The following CUBN variants were observed in gnomAD, a reference collection of about 807,000 sequenced individuals.
CUBN encodes the protein 460 kDa receptor.
In CUBN, 282 loss-of-function variants were observed where a neutral mutation model predicts 405.3. That is an observed-to-expected ratio of 0.70 (90% confidence interval 0.63 to 0.77). The LOEUF (loss-of-function observed/expected upper bound fraction) is 0.77. Ranked by LOEUF, CUBN falls within the 30% of genes least tolerant of loss-of-function variation. The pLI is 0.00. For missense variants in CUBN, 4,514 were observed against 4,475.2 expected (o/e 1.01, Z -0.25); for synonymous variants, 1,684 against 1,617.0 (o/e 1.04, Z -0.99).
intron 62 of CUBN, among the ~76,000 whole-genome samples, chr10:16,838,299 A>G (rs1839235013): frequency 6.6e-6 from 1 of 152,082 alleles, no homozygotes; most frequent in African/African-American, 2.4e-5. Flanking sequence ...GACCCTGAAA[A>G]CTCAGAAGAC....
chr10:16,940,271 A>ACC, intron 36 of CUBN, 34 bp from the exon 37 acceptor site: 2 of 1,573,130 alleles, frequency 1.3e-6, no homozygotes, highest in Non-Finnish European at 1.7e-6. Flanking sequence ...AAAGGGATTA[A>ACC]ATTGAGAGAA....
At chr10:16,999,022 C>T (rs900152264) in intron 28 of CUBN, among the ~76,000 whole-genome samples, 14 of 152,250 alleles carry the variant, frequency 9.2e-5, no homozygotes, top group African/African-American at 3.1e-4. Flanking sequence ...AGTAGAGCAT[C>T]GGGTTTCAAT....
chr10:16,901,394 CAT>C lies in CUBN; in HGVS notation c.8126_8127del (p.Tyr2709Ter), dbSNP rs776124003. On this transcript the variant is annotated frameshift_variant, in exon 52 of 67. Transcript: ENST00000377833. LOFTEE classifies it high-confidence loss of function. The stretch of plus-strand genomic sequence containing the variant: ...AGCGAAGAGCAGTGGGTCAGGCTGT[CAT>C]AAGCATTTGGATAGTTGGGGCTTGT... Reference protein sequence around the residue: ...VITSPNYPNAYDSLTHCSSLL... With the variant: ...VITSPNYPNAXDSLTHCSSLL... The C allele has an allele frequency of 3.1e-6, 5 of 1,614,128 alleles. No homozygotes were observed. In the Admixed American group the frequency reaches 8.3e-5, roughly 27 times the overall value.
intron 43 of CUBN, among the ~76,000 whole-genome samples, chr10:16,922,338 G>GTTT: frequency 6.6e-6 from 1 of 152,180 alleles, no homozygotes; most frequent in Middle Eastern, 3.4e-3. Context: ...TAATATCTTT[G>GTTT]ATATGCCCTC....
At chr10:16,874,851 C>A (rs1284862781) in intron 57 of CUBN, among the ~76,000 whole-genome samples, 4 of 152,002 alleles carry the variant, frequency 2.6e-5, no homozygotes, top group Non-Finnish European at 2.9e-5. Context: ...AGAGGGATGA[C>A]AACAGTAACG....
intron 60 of CUBN, among the ~76,000 whole-genome samples, chr10:16,843,702 C>G (rs891490580): frequency 3.9e-5 from 6 of 151,966 alleles, no homozygotes; most frequent in Admixed American, 3.3e-4. Context: ...TGTGCTAGAT[C>G]CCAGGCATAC....
chr10:16,931,181 A>G (rs1273508882), intron 40 of CUBN, among the ~76,000 whole-genome samples: 3 of 151,690 alleles, frequency 2.0e-5, no homozygotes, highest in Admixed American at 1.3e-4. Flanking sequence ...GGAGAATGGC[A>G]TGAACCCGGG....
At chr10:16,932,121 A>G (rs894202953) in intron 40 of CUBN, among the ~76,000 whole-genome samples, 1 of 152,180 alleles carries the variant, frequency 6.6e-6, no homozygotes, top group African/African-American at 2.4e-5. Context: ...ACATCTCATC[A>G]TGTGTGTATG....
chr10:17,116,640 G>A (rs937927285), intron 6 of CUBN, among the ~76,000 whole-genome samples: 1 of 152,204 alleles, frequency 6.6e-6, no homozygotes, highest in Admixed American at 6.5e-5. Flanking sequence ...AAGGAGCTTA[G>A]TAATGTTCAT....
chr10:16,986,470 C>T (rs45548338), intron 29 of CUBN, among the ~76,000 whole-genome samples: 1,983 of 152,258 alleles, frequency 0.013, 17 homozygotes, highest in Non-Finnish European at 0.021. Flanking sequence ...GATTAATTCC[C>T]CCCAGCCATC....
In CUBN at chr10:16,860,868, T is replaced by G. The variant is rs919872384; in HGVS notation, c.9454+8768A>C. Among the ~76,000 whole-genome samples, 22 of 152,244 alleles carry G rather than the reference T, an allele frequency of 1.4e-4. No homozygotes were observed. The East Asian group carries it at 1.5e-3, about 11-fold the overall frequency. On this transcript the variant is annotated intron_variant, in intron 59 of 66. Coordinates refer to ENST00000377833, the MANE Select transcript of CUBN (RefSeq NM_001081.4). Reference sequence around the variant, plus strand: ...TACTTTTCTAACTTTTTCCCTGGAATGCTGCTTCAAAACATCATCCCCACA... The same window carrying G: ...TACTTTTCTAACTTTTTCCCTGGAAGGCTGCTTCAAAACATCATCCCCACA...
intron 19 of CUBN, 130 bp downstream of exon 19, chr10:17,071,296 T>C: frequency 2.2e-6 from 2 of 923,910 alleles, no homozygotes; most frequent in Non-Finnish European, 3.4e-6. Flanking sequence ...GATTTTTACA[T>C]ATGTATCCAT....
At position 17,030,959 on chromosome 10, in the gene CUBN, G is replaced by A. The variant is rs114386486; in HGVS notation, c.4017+10074C>T. 6.6e-3 allele frequency among the ~76,000 whole-genome samples: 1,002 copies of A among 152,128 alleles called. 11 individuals carry two copies. The highest frequency in any genetic ancestry group is 0.023 in the African/African-American group (963 of 41,484). The stretch of plus-strand genomic sequence containing the variant: ...TAAAATAAGAGTTGTTAAACTCCAG[G>A]ATACAGAAAGTCTTTATTCTCTGTA... On this transcript the variant is annotated intron_variant, in intron 27 of 66. Transcript: ENST00000377833.
intron 59 of CUBN, among the ~76,000 whole-genome samples, chr10:16,868,481 G>A (rs1840251846): frequency 6.6e-6 from 1 of 152,214 alleles, no homozygotes; most frequent in Non-Finnish European, 1.5e-5. Flanking sequence ...TGTTTGGAGA[G>A]TTGTGCATTT....
chr10:16,903,156 T>C (rs746764028), intron 51 of CUBN, among the ~76,000 whole-genome samples: 4 of 152,210 alleles, frequency 2.6e-5, no homozygotes, highest in African/African-American at 9.6e-5. Flanking sequence ...ATCTTTCATA[T>C]AATTCATCAC....
In CUBN at chr10:16,864,660, T is replaced by TC. The variant is rs1270638949; in HGVS notation, c.9454+4975_9454+4976insG. 2.6e-4 allele frequency among the ~76,000 whole-genome samples: 36 copies of TC among 140,596 alleles called. No individual in the cohort carries two copies. In the East Asian group the frequency reaches 5.1e-3, roughly 20 times the overall value. The allele number at this position is 140,596 out of a possible 152,430, so 92.2% of individuals were successfully genotyped here. ...GGCCATATGTCTTTTTTTCTTTCTT[T>TC]TTTTTTTTTTTTTTTAGATGGATTT... On this transcript the variant is annotated intron_variant, in intron 59 of 66. Transcript: ENST00000377833.
intron 28 of CUBN, among the ~76,000 whole-genome samples, chr10:16,997,303 C>G (rs1168085661): frequency 6.6e-6 from 1 of 152,024 alleles, no homozygotes; most frequent in East Asian, 1.9e-4. Context: ...GGCGTGGTGG[C>G]AGGCACCTGT....
intron 27 of CUBN, chr10:17,023,738 G>A (rs1834573170): frequency 5.2e-6 from 2 of 387,658 alleles, no homozygotes; most frequent in South Asian, 1.8e-5. Context: ...TTACAGAAAG[G>A]AAACTAGTAA....
intron 27 of CUBN, among the ~76,000 whole-genome samples, chr10:17,038,245 C>T (rs1310874031): frequency 6.6e-6 from 1 of 152,140 alleles, no homozygotes; most frequent in Non-Finnish European, 1.5e-5. Context: ...TTCAATCACT[C>T]GTTTGAAATC....
Sources: gnomAD v4.1 joint callset for allele counts (sites outside exome capture counted in the v4.1 genomes callset) on GRCh38, gnomAD v4.1.1 for gene constraint, MANE v1.5 for transcripts, NCBI Gene and HGNC (gene_info 2026-07-23, HGNC 2026-07-21) for gene names.